Variants in DIS3 observed in about 807,000 individuals in gnomAD.
The protein encoded by DIS3 is exosome complex exonuclease RRP44.
In DIS3, 103 loss-of-function variants were observed where a neutral mutation model predicts 113.0. The observed-to-expected ratio is 0.91, with a 90% CI of 0.78 to 1.07. The LOEUF is 1.07. DIS3 is among the 50% of genes least tolerant of loss of function. DIS3 has a pLI of 0.00. For missense variants in DIS3, 1,121 were observed against 1,167.1 expected, an observed-to-expected ratio of 0.96 and a Z score of 0.58; for synonymous variants, 402 against 394.3, an observed-to-expected ratio of 1.02 and a Z score of -0.23.
rs1244949258 is a variant in DIS3, at chr13:72,755,665, AAACT to A, written c.*4126_*4129del. On this transcript the variant is annotated 3_prime_UTR_variant, in exon 21 of 21. Coordinates refer to ENST00000377767, the MANE Select transcript of DIS3 (RefSeq NM_014953.5). Reference sequence around the variant, plus strand: ...CCTATGTGAAGAAATCTTAGATATAAAACTAACTTTTCAAAGATACAAAAGAAAT... The same window carrying A: ...CCTATGTGAAGAAATCTTAGATATAAAACTTTTCAAAGATACAAAAGAAAT... The A allele has an allele frequency of 2.6e-6, 1 of 388,900 alleles. No homozygotes were observed. The highest frequency in any genetic ancestry group is 4.5e-6 in the Non-Finnish European group (1 of 220,448). The allele number at this position is 388,900 out of a possible 1,614,324, so 24.1% of individuals were successfully genotyped here. A position where few individuals can be genotyped will look rare whatever the true frequency, so the allele number is the denominator to read the frequency against.
chr13:72,767,277 A>G (rs932904933), intron 14 of DIS3, among the ~76,000 whole-genome samples: 2 of 152,202 alleles, frequency 1.3e-5, no homozygotes, highest in African/African-American at 4.8e-5. Context: ...ATTAAAAAAT[A>G]TCCTCAGTTT....
At position 72,777,473 on chromosome 13, in the gene DIS3, G is replaced by C. The variant is rs2138229885; in HGVS notation, c.601C>G (p.Leu201Val). The C allele has an allele frequency of 6.2e-7, 1 of 1,614,040 alleles. No individual in the cohort carries two copies. The highest frequency in any genetic ancestry group is 8.5e-7 in the Non-Finnish European group (1 of 1,179,962). Residue 201 changes from leucine to valine, a missense_variant, in exon 4 of 21, where the codon CTA becomes GTA. Around this residue, in one of 3 missense-constraint regions of DIS3, gnomAD observed 861 missense variants for 915.5 expected, o/e 0.94. Coordinates refer to ENST00000377767, the MANE Select transcript of DIS3 (RefSeq NM_014953.5). ...TCTATGAGTTCGGGGTTAGCAGTTAGGCTCTTTACATATTCTTCACCTGAA... is the reference window on the plus strand; with the variant it reads ...TCTATGAGTTCGGGGTTAGCAGTTACGCTCTTTACATATTCTTCACCTGAA... ...AFTCEEYVKS[L>V]TANPELIDRL...
Position 72,773,929 on chromosome 13 carries a change from A to C in DIS3, c.1101+17T>G. On this transcript the variant is annotated intron_variant, in intron 7 of 20. Coordinates refer to ENST00000377767, the MANE Select transcript of DIS3 (RefSeq NM_014953.5). ...GTTTATCATTTTTTTATTACATAGT[A>C]AATGCTCTTTACTCACCTCCTTAAT... 1 of 1,593,490 alleles carries C rather than the reference A, an allele frequency of 6.3e-7. No homozygotes were observed. The highest frequency in any genetic ancestry group is 8.5e-7 in the Non-Finnish European group (1 of 1,171,282).
rs886091817 is a variant in DIS3, at chr13:72,781,619, CAT to C, written c.212_213del (p.Asn71SerfsTer7). ...PQPHYLLPDTNVLLHQIDVLE... is the reference protein window; with the variant it reads ...PQPHYLLPDTXVLLHQIDVLE... ...CGCCCACGCACCTGGTGCAGTAACA[CAT>C]TAGTGTCGGGCAGCAAGTAGTGCGG... On this transcript the variant is annotated frameshift_variant, in exon 1 of 21. Transcript: ENST00000377767. LOFTEE classifies it high-confidence loss of function. 2 of 1,533,518 alleles carry C rather than the reference CAT, an allele frequency of 1.3e-6. No individual in the cohort carries two copies. Among genetic ancestry groups the C allele is most frequent in the African/African-American group, 2.8e-5 (2 of 72,698 alleles). 95.0% of individuals were successfully genotyped at this position (1,533,518 alleles called of 1,614,324 possible). A position where few individuals can be genotyped will look rare whatever the true frequency, so the allele number is the denominator to read the frequency against.
At chr13:72,776,124 A>T in intron 4 of DIS3, 32 bp from the exon 5 acceptor site, 1 of 1,568,278 alleles carries the variant, frequency 6.4e-7, no homozygotes, top group Non-Finnish European at 8.6e-7. Context: ...AGATGCCGCT[A>T]ATAAGTCTTC....
chr13:72,781,533 G>A (rs975728915), intron 1 of DIS3, 72 bp downstream of exon 1: 8 of 1,454,194 alleles, frequency 5.5e-6, no homozygotes, highest in Non-Finnish European at 6.4e-6. Flanking sequence ...CGCCTCCCTG[G>A]GCCTCAGTTT....
At chr13:72,771,336 A>G (rs1165654760) in intron 11 of DIS3, among the ~76,000 whole-genome samples, 191 bp from the exon 12 acceptor site, 1 of 152,194 alleles carries the variant, frequency 6.6e-6, no homozygotes, top group East Asian at 1.9e-4. Flanking sequence ...ATTGTTAAAG[A>G]AGGAAAGCTA....
At position 72,761,699 on chromosome 13, in the gene DIS3, G is replaced by A. The variant is rs372878316; in HGVS notation, c.2458C>T (p.Arg820Trp). 1.8e-5 allele frequency: 29 copies of A among 1,613,196 alleles called. No individual in the cohort carries two copies. The highest frequency in any genetic ancestry group is 8.4e-5 in the Admixed American group (5 of 59,832). ...TGGGCATATTGAGCCATTTTGTGCC[G>A]GAAATTTAGATTTTTACATATATCT... ...LADICKNLNF[R>W]HKMAQYAQRA... is the part of the protein sequence containing the mutation. Residue 820 changes from arginine (R) to tryptophan (W), a missense_variant, in exon 18 of 21, where the codon CGG becomes TGG. Physicochemically the swap from Arg to Trp is moderately radical, Grantham distance 101. Transcript: ENST00000377767.
In DIS3 at chr13:72,755,674, T is replaced by C. The variant is rs2033443234; in HGVS notation, c.*4121A>G. ...AGAAATCTTAGATATAAAACTAACT[T>C]TTCAAAGATACAAAAGAAATTAAAC... On this transcript the variant is annotated 3_prime_UTR_variant, in exon 21 of 21. Coordinates refer to ENST00000377767, the MANE Select transcript of DIS3 (RefSeq NM_014953.5). 1 of 391,010 alleles carries C rather than the reference T, an allele frequency of 2.6e-6. No homozygotes were observed. The highest frequency in any genetic ancestry group is 2.1e-5 in the African/African-American group (1 of 48,474). 24.2% of individuals were successfully genotyped at this position (391,010 alleles called of 1,614,324 possible). A position where few individuals can be genotyped will look rare whatever the true frequency, so the allele number is the denominator to read the frequency against.
At chr13:72,769,051 T>C (rs2033823393) in intron 13 of DIS3, 139 bp from the exon 14 acceptor site, 1 of 536,610 alleles carries the variant, frequency 1.9e-6, no homozygotes, top group African/African-American at 1.9e-5. Flanking sequence ...TTCTTAGCTA[T>C]GATATTATAC....
intron 16 of DIS3, among the ~76,000 whole-genome samples, chr13:72,762,801 A>G (rs1418405822): frequency 6.6e-6 from 1 of 152,130 alleles, no homozygotes; most frequent in Admixed American, 6.5e-5. Context: ...CAAGAAATGG[A>G]AAGGATTTAA....
intron 13 of DIS3, 47 bp downstream of exon 13, chr13:72,770,857 A>G: frequency 7.2e-7 from 1 of 1,394,780 alleles, no homozygotes; most frequent in Non-Finnish European, 9.6e-7. Context: ...TTTTCAAAAA[A>G]GTACCAAAAA....
chr13:72,763,594 T>C lies in DIS3; in HGVS notation c.1984A>G (p.Met662Val). 1.9e-6 allele frequency: 3 copies of C among 1,610,598 alleles called. No individual in the cohort carries two copies. Among genetic ancestry groups the C allele is most frequent in the Non-Finnish European group, 2.5e-6 (3 of 1,178,918 alleles). ...GCAAGTAACATAAATTCTTCAACCA[T>C]GGAATTTGTTTCCCTGCCAATGGAA... is the stretch of plus-strand genomic sequence containing the variant. ...QTKELRETNS[M>V]VEEFMLLANI... is the part of the protein sequence containing the mutation. The change falls in exon 16 of 21, where the codon ATG becomes GTG. Residue 662 changes from methionine to valine, a missense_variant. This residue lies in a region of DIS3 where 861 missense variants were observed against 915.5 expected (regional missense o/e 0.94). Coordinates refer to ENST00000377767, the MANE Select transcript of DIS3 (RefSeq NM_014953.5).
Position 72,771,829 on chromosome 13 carries a change from G to A in DIS3, c.1571C>T (p.Ala524Val), listed in dbSNP as rs201212190. ...RPGNALDQES[A>V]RRGTTVYLCE... ...AAGATACACAGTTGTTCCTCTTCTG[G>A]CTGATTCTTGATCCAAGGCATTTCC... Residue 524 changes from alanine (A) to valine (V), a missense_variant, in exon 11 of 21, where the codon GCC (alanine) becomes GTC (valine). Physicochemically the swap from Ala to Val is moderately conservative, Grantham distance 64. Transcript: ENST00000377767. The A allele has an allele frequency of 1.7e-4, 277 of 1,613,490 alleles. 1 individual carries two copies. In the East Asian group the frequency reaches 6.1e-3, roughly 36 times the overall value.
rs1202357466 is a variant in DIS3 at position 72,753,862 on chromosome 13, T to C, written c.*5933A>G. On this transcript the variant is annotated 3_prime_UTR_variant, in exon 21 of 21. Transcript: ENST00000377767. ...AGTGAAAGCTTAATATTGTTTAGAT[T>C]AGAAATATAAAATAATTTTGATTAT... The C allele has an allele frequency of 3.9e-6, 6 of 1,534,254 alleles. No homozygotes were observed. Among genetic ancestry groups the C allele is most frequent in the Non-Finnish European group, 5.3e-6 (6 of 1,122,830 alleles).
At chr13:72,781,056 T>C in intron 1 of DIS3, 53 bp from the exon 2 acceptor site, 1 of 1,528,822 alleles carries the variant, frequency 6.5e-7, no homozygotes, top group Non-Finnish European at 8.9e-7. Context: ...AATAGCTCTG[T>C]CAAACATAAA....
intron 3 of DIS3, 22 bp downstream of exon 3, chr13:72,778,165 G>A: frequency 6.5e-7 from 1 of 1,548,234 alleles, no homozygotes; most frequent in Non-Finnish European, 8.8e-7. Flanking sequence ...CATGCACTAA[G>A]TACTTCTACA....
chr13:72,761,898 CT>C (rs1252267753), intron 17 of DIS3, 24 bp downstream of exon 17: 2 of 1,613,214 alleles, frequency 1.2e-6, no homozygotes, highest in Non-Finnish European at 1.7e-6. Flanking sequence ...TTTCTATCTC[CT>C]TTAATTTCAT....
rs571401803 is a variant in DIS3, at chr13:72,780,870, T to C, written c.362A>G (p.Tyr121Cys). Reference protein sequence around the residue: ...DVTNNQEKHFYTFTNEHHRET... With the variant: ...DVTNNQEKHFCTFTNEHHRET... The stretch of plus-strand genomic sequence containing the variant: ...CCTATGGTGCTCATTAGTGAAAGTA[T>C]AGAAATGCTTCTCTTGGTTATTAGT... The change falls in exon 2 of 21, where the codon TAT (tyrosine) becomes TGT (cysteine). Residue 121 changes from tyrosine to cysteine, a missense_variant. Transcript: ENST00000377767. 1.2e-5 allele frequency: 20 copies of C among 1,610,614 alleles called. No individual in the cohort carries two copies. Among genetic ancestry groups the C allele is most frequent in the African/African-American group, 2.7e-5 (2 of 74,656 alleles).
Sources: gnomAD v4.1 joint callset for allele counts (sites outside exome capture counted in the v4.1 genomes callset) on GRCh38, gnomAD v4.1.1 for gene constraint, gnomAD v4.1.1 regional missense constraint, MANE v1.5 for transcripts, NCBI Gene and HGNC (gene_info 2026-07-23, HGNC 2026-07-21) for gene names.